METTL9: variants seen among roughly 807,000 people sequenced by gnomAD.
METTL9 encodes the protein protein-L-histidine N-pros-methyltransferase.
A neutral mutation model predicts 36.0 loss-of-function variants in METTL9; 10 were observed. The ratio of observed to expected loss-of-function variants is 0.28; its 90% confidence interval spans 0.17 to 0.47. The LOEUF is 0.47. Among genes scored for constraint, METTL9 ranks in the 20% least tolerant of loss-of-function variants. METTL9 has a pLI of 0.99. For missense variants in METTL9, 246 were observed against 383.5 expected, an observed-to-expected ratio of 0.64 and a Z score of 3.00; for synonymous variants, 175 against 149.7, an observed-to-expected ratio of 1.17 and a Z score of -1.23.
chr16:21,597,335 A>C, upstream of METTL9: 6 of 1,261,710 alleles, frequency 4.8e-6, no homozygotes, highest in Non-Finnish European at 6.2e-6. Flanking sequence ...ACCTTCAGGC[A>C]AATCATTTGA....
intron 4 of METTL9, among the ~76,000 whole-genome samples, chr16:21,645,225 G>A (rs1966391862): frequency 6.6e-6 from 1 of 152,136 alleles, no homozygotes; most frequent in South Asian, 2.1e-4. Context: ...GGCCGAGGTG[G>A]GCAGATCACT....
chr16:21,625,211 T>C, intron 4 of METTL9, 96 bp downstream of exon 4: 1 of 1,333,458 alleles, frequency 7.5e-7, no homozygotes, highest in Non-Finnish European at 1.1e-6. Context: ...GTCTAGTATG[T>C]CTTATAATAG....
intron 2 of METTL9, among the ~76,000 whole-genome samples, chr16:21,613,168 CTTTTTTTTTTTTTTTTTTTTTTTTT>C (rs57388340): frequency 1.9e-3 from 170 of 91,430 alleles, no homozygotes; most frequent in African/African-American, 8.5e-3. Context: ...TGAGAGTCTG[CTTTTTTTTTTTTTTTTTTTTTTTTT>C]TTTTTTTTTT....
chr16:21,599,999 G>GCCCTCGC lies in METTL9; in HGVS notation c.165+107_165+113dup, dbSNP rs1180727747. The GCCCTCGC allele has an allele frequency of 9.9e-7, 1 of 1,008,436 alleles. No homozygotes were observed. Among genetic ancestry groups the GCCCTCGC allele is most frequent in the Non-Finnish European group, 1.3e-6 (1 of 799,474 alleles). The allele number at this position is 1,008,436 out of a possible 1,614,324, so 62.5% of individuals were successfully genotyped here. Reference sequence around the variant, plus strand: ...GACGGCTCCGCGAGGGGGCGGCCCGGCCCTCGCCCCTCCGCCTCGGCCCCT... The same window carrying GCCCTCGC: ...GACGGCTCCGCGAGGGGGCGGCCCGGCCCTCGCCCCTCGCCCCTCCGCCTCGGCCCCT... On this transcript the variant is annotated intron_variant, in intron 1 of 4. Coordinates refer to ENST00000358154, the MANE Select transcript of METTL9 (RefSeq NM_016025.5). This position sits in a 1 kb window ranked among gnomAD's most constrained non-coding sequence, Gnocchi z 4.4.
intron 4 of METTL9, among the ~76,000 whole-genome samples, chr16:21,634,623 G>A (rs1027010002): frequency 1.3e-5 from 2 of 152,084 alleles, no homozygotes; most frequent in Non-Finnish European, 2.9e-5. Flanking sequence ...ATAGAACACC[G>A]AGGTTGCCAG....
chr16:21,645,946 T>TA (rs1966414006), intron 4 of METTL9, among the ~76,000 whole-genome samples: 1 of 152,208 alleles, frequency 6.6e-6, no homozygotes, highest in Non-Finnish European at 1.5e-5. Context: ...CCTCGTAGTT[T>TA]AAAAGCACAG....
chr16:21,628,419 T>A (rs1156560955), intron 4 of METTL9, among the ~76,000 whole-genome samples: 1 of 152,212 alleles, frequency 6.6e-6, no homozygotes, highest in Non-Finnish European at 1.5e-5. Flanking sequence ...AGAGGAGGTC[T>A]CTAGATAGCA....
chr16:21,631,928 G>C (rs958507451), intron 4 of METTL9, among the ~76,000 whole-genome samples: 3 of 151,762 alleles, frequency 2.0e-5, no homozygotes, highest in African/African-American at 4.8e-5. Flanking sequence ...CTTTTTCTTT[G>C]TCTCTCTCTC....
chr16:21,635,162 C>T (rs1273058837), intron 4 of METTL9, among the ~76,000 whole-genome samples: 1 of 152,150 alleles, frequency 6.6e-6, no homozygotes, highest in African/African-American at 2.4e-5. Flanking sequence ...CCCTGTAGGA[C>T]ATCTGTGTAC....
rs1341384637 is a variant in METTL9, at chr16:21,624,934, C to T, written c.570C>T (p.Val190=). 2.5e-5 allele frequency: 41 copies of T among 1,613,530 alleles called. 1 individual carries two copies. Among genetic ancestry groups the T allele is most frequent in the African/African-American group, 5.3e-5 (4 of 74,854 alleles). Reference sequence around the variant, plus strand: ...CAGTTATTTCTGATTTTTCTAGAGTCCTTGGTATAAATGAATGGCAGAATA... The same window carrying T: ...CAGTTATTTCTGATTTTTCTAGAGTTCTTGGTATAAATGAATGGCAGAATA... ...IWQLQKKKYR[V]LGINEWQNTG... is the part of the protein sequence containing the mutation. Residue 190 remains valine, a synonymous_variant, in exon 4 of 5, where the codon GTC becomes GTT. Transcript: ENST00000358154.
intron 4 of METTL9, among the ~76,000 whole-genome samples, chr16:21,644,623 CATTAAAAAA>C (rs1966375819): frequency 6.6e-6 from 1 of 152,134 alleles, no homozygotes; most frequent in African/African-American, 2.4e-5. Context: ...CGTTTTTAAA[CATTAAAAAA>C]ATTCAACCAA....
At chr16:21,627,643 A>AGG (rs1388146850) in intron 4 of METTL9, 1 of 153,306 alleles carries the variant, frequency 6.5e-6, no homozygotes, top group African/African-American at 2.4e-5. Context: ...AACTTACTAG[A>AGG]GGGTTTACAA....
In METTL9 at chr16:21,656,082, G is replaced by A. The variant is rs2141632541; in HGVS notation, c.*650G>A. ...GAAGGCTTCAGACTTGGGGGAAGGG[G>A]AGATTATTGCAAATTGCAGTGAACA... On this transcript the variant is annotated 3_prime_UTR_variant, in exon 5 of 5. Transcript: ENST00000358154. The A allele has an allele frequency of 6.6e-6, 1 of 151,026 alleles. No homozygotes were observed. Among genetic ancestry groups the A allele is most frequent in the South Asian group, 2.1e-4 (1 of 4,770 alleles). The allele number at this position is 151,026 out of a possible 1,614,324, so 9.4% of individuals were successfully genotyped here.
chr16:21,604,058 C>T (rs555262389), intron 1 of METTL9, among the ~76,000 whole-genome samples: 3 of 152,066 alleles, frequency 2.0e-5, no homozygotes, highest in Admixed American at 6.5e-5. Flanking sequence ...CCTCACTTAC[C>T]CTGTGGAGGC....
chr16:21,632,436 C>T (rs1783797319), intron 4 of METTL9, among the ~76,000 whole-genome samples: 1 of 152,116 alleles, frequency 6.6e-6, no homozygotes, highest in Non-Finnish European at 1.5e-5. Flanking sequence ...AAATGAACTT[C>T]CATCGGTATA....
chr16:21,648,556 A>C (rs984124736), intron 4 of METTL9, among the ~76,000 whole-genome samples: 1 of 152,204 alleles, frequency 6.6e-6, no homozygotes, highest in Admixed American at 6.5e-5. Flanking sequence ...ACTCCAGTGT[A>C]CTGTCCACCA....
At chr16:21,639,810 A>G (rs908259526) in intron 4 of METTL9, 1 of 152,206 alleles carries the variant, frequency 6.6e-6, no homozygotes, top group African/African-American at 2.4e-5. Flanking sequence ...GTTTGATATC[A>G]CTGATTTAAA....
At chr16:21,628,475 C>T (rs1227246057) in intron 4 of METTL9, among the ~76,000 whole-genome samples, 1 of 152,028 alleles carries the variant, frequency 6.6e-6, no homozygotes. Flanking sequence ...CCCTGTCCTC[C>T]CCCACTTTTT....
chr16:21,629,445 T>A (rs913839552), intron 4 of METTL9, among the ~76,000 whole-genome samples: 1 of 152,122 alleles, frequency 6.6e-6, no homozygotes, highest in South Asian at 2.1e-4. Context: ...CCAGAACTCA[T>A]AAATTTCTAT....
Sources: gnomAD v4.1 joint callset for allele counts (sites outside exome capture counted in the v4.1 genomes callset) on GRCh38, gnomAD v4.1.1 for gene constraint, Gnocchi (gnomAD v3.1) non-coding constraint, MANE v1.5 for transcripts, NCBI Gene and HGNC (gene_info 2026-07-23, HGNC 2026-07-21) for gene names.